Variants in LDLRAD3 observed in about 807,000 individuals in gnomAD.
LDLRAD3 encodes low-density lipoprotein receptor class A domain-containing protein 3.
A neutral mutation model predicts 29.4 loss-of-function variants in LDLRAD3; 20 were observed. The observed-to-expected ratio is 0.68, with a 90% CI of 0.48 to 0.99. The LOEUF (loss-of-function observed/expected upper bound fraction) is 0.99. LDLRAD3 is among the 50% of genes least tolerant of loss of function. The pLI, the probability that LDLRAD3 is intolerant of heterozygous loss-of-function variation, is 0.00. For synonymous variants in LDLRAD3, 157 were observed against 192.7 expected, an observed-to-expected ratio of 0.81 and a Z score of 1.53; for missense variants, 420 against 454.3, an observed-to-expected ratio of 0.92 and a Z score of 0.69.
chr11:35,988,252 G>A (rs879435771), intron 1 of LDLRAD3, among the ~76,000 whole-genome samples: 1 of 152,014 alleles, frequency 6.6e-6, no homozygotes, highest in Non-Finnish European at 1.5e-5. Flanking sequence ...TAGAGATGGG[G>A]TCTCACTATG....
chr11:36,061,823 T>C lies in LDLRAD3; in HGVS notation c.194-19830T>C, dbSNP rs567341112. On this transcript the variant is annotated intron_variant, in intron 2 of 5. Transcript: ENST00000315571. ...TTTGGTAAGTCTCTCTTTAGCTAGA[T>C]TATAATGTAGTAGTGAGGAATATCA... Among the ~76,000 whole-genome samples, 13 of 152,318 alleles carry C rather than the reference T, an allele frequency of 8.5e-5. No homozygotes were observed. The South Asian group carries it at 2.3e-3, about 27-fold the overall frequency.
At chr11:36,093,746 T>C (rs1590261426) in intron 3 of LDLRAD3, among the ~76,000 whole-genome samples, 1 of 152,050 alleles carries the variant, frequency 6.6e-6, no homozygotes, top group South Asian at 2.1e-4. Context: ...TGCTGACAAT[T>C]TGAAGGGTGA....
At chr11:36,142,494 C>T (rs1854100158) in intron 4 of LDLRAD3, among the ~76,000 whole-genome samples, 1 of 152,238 alleles carries the variant, frequency 6.6e-6, no homozygotes, top group Non-Finnish European at 1.5e-5. Flanking sequence ...TGGATGTCCT[C>T]AACCTTCAGC....
chr11:36,041,753 A>G (rs934060030), intron 2 of LDLRAD3, among the ~76,000 whole-genome samples: 3 of 151,998 alleles, frequency 2.0e-5, no homozygotes, highest in African/African-American at 7.2e-5. Context: ...GGTTGAGGGG[A>G]TCTTGAATGT....
chr11:36,018,953 A>T (rs1021766939), intron 1 of LDLRAD3, among the ~76,000 whole-genome samples: 4 of 152,082 alleles, frequency 2.6e-5, no homozygotes, highest in Non-Finnish European at 5.9e-5. Context: ...AATTAGGGAC[A>T]TAGAGGATTG....
intron 3 of LDLRAD3, among the ~76,000 whole-genome samples, chr11:36,091,561 A>G (rs1254329975): frequency 1.3e-5 from 2 of 151,766 alleles, no homozygotes; most frequent in Non-Finnish European, 2.9e-5. Flanking sequence ...ATAGAGCTTT[A>G]GAACCCTGTG....
intron 4 of LDLRAD3, among the ~76,000 whole-genome samples, chr11:36,193,954 G>A (rs1590345781): frequency 6.6e-6 from 1 of 152,082 alleles, no homozygotes; most frequent in East Asian, 1.9e-4. Flanking sequence ...TTTATAAACT[G>A]GGAATACTGT....
chr11:35,986,446 G>A (rs1307223746), intron 1 of LDLRAD3, among the ~76,000 whole-genome samples: 1 of 152,204 alleles, frequency 6.6e-6, no homozygotes, highest in African/African-American at 2.4e-5. Context: ...ATTGTGATAT[G>A]CTTATGTAAG....
intron 4 of LDLRAD3, among the ~76,000 whole-genome samples, chr11:36,139,176 CTG>C (rs1344597312): frequency 2.0e-5 from 3 of 152,206 alleles, no homozygotes; most frequent in African/African-American, 7.2e-5. Context: ...GCCAGCATCT[CTG>C]AGGTCTATCC....
At chr11:36,214,248 T>G (rs1165818062) in intron 4 of LDLRAD3, among the ~76,000 whole-genome samples, 1 of 152,088 alleles carries the variant, frequency 6.6e-6, no homozygotes, top group African/African-American at 2.4e-5. Flanking sequence ...GCGTGGGACT[T>G]GACCCTTGGC....
At chr11:36,187,014 AC>A (rs1485070302) in intron 4 of LDLRAD3, among the ~76,000 whole-genome samples, 2 of 152,114 alleles carry the variant, frequency 1.3e-5, no homozygotes, top group African/African-American at 4.8e-5. Flanking sequence ...GGGAGGAGAT[AC>A]ACCTGCTTGC....
At chr11:36,083,647 G>A (rs1853149891) in intron 3 of LDLRAD3, among the ~76,000 whole-genome samples, 1 of 151,566 alleles carries the variant, frequency 6.6e-6, no homozygotes, top group Non-Finnish European at 1.5e-5. Flanking sequence ...TACTTCTTTT[G>A]TATTTTAGTT....
At chr11:36,125,600 A>C (rs1374667215) in intron 4 of LDLRAD3, among the ~76,000 whole-genome samples, 1 of 152,190 alleles carries the variant, frequency 6.6e-6, no homozygotes, top group Admixed American at 6.5e-5. Context: ...GTGAGTTTGT[A>C]AGCTCAGTGT....
intron 1 of LDLRAD3, among the ~76,000 whole-genome samples, chr11:35,982,848 C>CTTTTT (rs61605411): frequency 1.5e-4 from 13 of 88,716 alleles, no homozygotes; most frequent in East Asian, 3.4e-4. Flanking sequence ...CTGTTTGCTG[C>CTTTTT]TTTTTTTTTT....
intron 1 of LDLRAD3, among the ~76,000 whole-genome samples, chr11:36,018,032 A>G (rs1223086570): frequency 1.3e-5 from 2 of 152,178 alleles, no homozygotes; most frequent in Non-Finnish European, 2.9e-5. Flanking sequence ...TCTGTTGTTT[A>G]TCATGGATCC....
intron 4 of LDLRAD3, among the ~76,000 whole-genome samples, chr11:36,106,965 G>A (rs1853537748): frequency 6.6e-6 from 1 of 152,098 alleles, no homozygotes; most frequent in Admixed American, 6.5e-5. Flanking sequence ...TATACCCTGG[G>A]CGCTGCTGGT....
At chr11:36,091,148 A>T (rs1343880059) in intron 3 of LDLRAD3, among the ~76,000 whole-genome samples, 1 of 152,108 alleles carries the variant, frequency 6.6e-6, no homozygotes, top group Non-Finnish European at 1.5e-5. Flanking sequence ...GAAGACAAGG[A>T]CTGTGTGGAG....
At chr11:36,136,035 A>G (rs566490399) in intron 4 of LDLRAD3, among the ~76,000 whole-genome samples, 2 of 152,364 alleles carry the variant, frequency 1.3e-5, no homozygotes, top group South Asian at 4.1e-4. Context: ...CCAACACTCT[A>G]GCTCTGAAGG....
intron 4 of LDLRAD3, among the ~76,000 whole-genome samples, chr11:36,107,261 C>T (rs989862097): frequency 7.7e-4 from 117 of 151,262 alleles, no homozygotes; most frequent in African/African-American, 1.4e-3. Context: ...AGTGCAATGG[C>T]GCGATCTTGG....
Sources: allele counts gnomAD v4.1 joint callset (sites outside exome capture counted in the v4.1 genomes callset), GRCh38; gene constraint gnomAD v4.1.1; transcripts MANE v1.5; gene names NCBI Gene and HGNC (gene_info 2026-07-23, HGNC 2026-07-21).